POLN: variants seen among roughly 807,000 people sequenced by gnomAD.
The protein encoded by POLN is DNA polymerase N.
A neutral mutation model predicts 113.5 loss-of-function variants in POLN; 108 were observed. The ratio of observed to expected loss-of-function variants is 0.95; its 90% confidence interval spans 0.81 to 1.12. The LOEUF (loss-of-function observed/expected upper bound fraction) is 1.12. Ranked by LOEUF, POLN falls within the 50% of genes most tolerant of loss-of-function variation. The pLI, the probability that POLN is intolerant of heterozygous loss-of-function variation, is 0.00. For missense variants in POLN, 1,097 were observed against 1,077.1 expected (o/e 1.02, Z -0.26); for synonymous variants, 386 against 391.5 (o/e 0.99, Z 0.17).
At chr4:2,112,086 T>C (rs1731208594) in intron 19 of POLN, among the ~76,000 whole-genome samples, 1 of 152,074 alleles carries the variant, frequency 6.6e-6, no homozygotes, top group Non-Finnish European at 1.5e-5. Context: ...ATGCTGCATA[T>C]CTACAACTAT....
At chr4:2,241,452 C>G in intron 2 of POLN, 68 bp downstream of exon 2, 1 of 976,428 alleles carries the variant, frequency 1.0e-6, no homozygotes, top group Non-Finnish European at 1.2e-6. Flanking sequence ...CCTCTCTTCC[C>G]TGCCCTCCGT....
At chr4:2,218,931 G>C (rs760294434) in intron 3 of POLN, among the ~76,000 whole-genome samples, 1 of 152,148 alleles carries the variant, frequency 6.6e-6, no homozygotes, top group African/African-American at 2.4e-5. Flanking sequence ...ACCACCCTGT[G>C]CCCTGAATCC....
intron 24 of POLN, among the ~76,000 whole-genome samples, chr4:2,074,289 C>T (rs35620984): frequency 0.037 from 5,635 of 152,232 alleles, 369 homozygotes; most frequent in African/African-American, 0.13. Context: ...TGACCTGACC[C>T]CCAGCCCTTC....
rs1397904475 is a variant in POLN, at chr4:2,215,185, C to T, written c.134-2059G>A. On this transcript the variant is annotated intron_variant, in intron 3 of 25. Coordinates refer to ENST00000511885, the MANE Select transcript of POLN (RefSeq NM_181808.4). ...TGAGGAATAAATTACATAATATCCA[C>T]ATCATGAAATACATAGCCACTAAAA... is the stretch of plus-strand genomic sequence containing the variant. 2.0e-5 allele frequency among the ~76,000 whole-genome samples: 3 copies of T among 152,090 alleles called. 1 individual carries two copies. Among genetic ancestry groups the T allele is most frequent in the Admixed American group, 2.0e-4 (3 of 15,258 alleles).
At chr4:2,088,065 T>A (rs912487538) in intron 20 of POLN, among the ~76,000 whole-genome samples, 7 of 152,200 alleles carry the variant, frequency 4.6e-5, no homozygotes, top group African/African-American at 1.7e-4. Flanking sequence ...AAATGGTTTT[T>A]AAAAATGTAT....
intron 19 of POLN, among the ~76,000 whole-genome samples, chr4:2,117,470 G>A (rs1411358468): frequency 6.6e-6 from 1 of 152,196 alleles, no homozygotes; most frequent in Non-Finnish European, 1.5e-5. Flanking sequence ...GCAGCAGGCT[G>A]GAAGTCCAGG....
At chr4:2,225,873 T>C (rs1298089318) in intron 3 of POLN, among the ~76,000 whole-genome samples, 1 of 151,730 alleles carries the variant, frequency 6.6e-6, no homozygotes, top group East Asian at 1.9e-4. Context: ...CAGTAGCAAG[T>C]GCCTGTAGTC....
At chr4:2,164,955 TG>T (rs1231062525) in intron 13 of POLN, among the ~76,000 whole-genome samples, 1 of 151,930 alleles carries the variant, frequency 6.6e-6, no homozygotes, top group African/African-American at 2.4e-5. Flanking sequence ...CATTCATTGT[TG>T]AACTCTCATT....
rs146062992 is a variant in POLN, at chr4:2,078,400, G to T, written c.2387+2558C>A. 3.7e-3 allele frequency: 674 copies of T among 181,290 alleles called. 2 individuals carry two copies. The highest frequency in any genetic ancestry group is 5.5e-3 in the Non-Finnish European group (519 of 94,630). The allele number at this position is 181,290 out of a possible 1,614,324, so 11.2% of individuals were successfully genotyped here. On this transcript the variant is annotated intron_variant, in intron 23 of 25. Transcript: ENST00000511885. ...TTCCCTGTCACAGGGACTGTGGGTG[G>T]TGAATGCAGACTGTCCTGTGGCCCC... is the stretch of plus-strand genomic sequence containing the variant.
intron 6 of POLN, among the ~76,000 whole-genome samples, chr4:2,194,384 CTTG>C (rs1733524947): frequency 6.6e-6 from 1 of 152,200 alleles, no homozygotes; most frequent in Admixed American, 6.5e-5. Context: ...TTTGCTTGGA[CTTG>C]TTCCACAGAA....
rs777998038 is a variant in POLN at position 2,198,662 on chromosome 4, C to G, written c.770G>C (p.Gly257Ala). 6.2e-7 allele frequency: 1 copy of G among 1,613,244 alleles called. No homozygotes were observed. The highest frequency in any genetic ancestry group is 8.5e-7 in the Non-Finnish European group (1 of 1,179,704). ...IVVLVKRQAE[G>A]GHGCPDAPAC... ...CGGGGCATCTGGACAGCCATGGCCA[C>G]CCTCTGCTTGGCGTTTTACTAACAC... is the stretch of plus-strand genomic sequence containing the variant. Residue 257 changes from glycine to alanine, a missense_variant, in exon 6 of 26, where the codon GGT (glycine) becomes GCT (alanine). Gly to Ala is a moderately conservative substitution (Grantham distance 60, BLOSUM62 0). Transcript: ENST00000511885.
At chr4:2,099,518 T>C (rs1730874294) in intron 19 of POLN, among the ~76,000 whole-genome samples, 1 of 152,196 alleles carries the variant, frequency 6.6e-6, no homozygotes, top group Non-Finnish European at 1.5e-5. Flanking sequence ...TCCTCAAAAC[T>C]GTCAGGGTCA....
intron 2 of POLN, chr4:2,240,337 G>C (rs1231962712): frequency 6.2e-7 from 1 of 1,602,528 alleles, no homozygotes; most frequent in East Asian, 2.2e-5. Flanking sequence ...TCCTGACTTA[G>C]GTATTTTTCC....
In POLN at chr4:2,213,052, T is replaced by G; in HGVS notation, c.208A>C (p.Lys70Gln). 1 of 1,604,766 alleles carries G rather than the reference T, an allele frequency of 6.2e-7. No homozygotes were observed. Among genetic ancestry groups the G allele is most frequent in the Non-Finnish European group, 8.5e-7 (1 of 1,174,406 alleles). Reference protein sequence around the residue: ...LEDRKTQSPEKKDLKSLRSQT... With the variant: ...LEDRKTQSPEQKDLKSLRSQT... ...TCATATGTGCAATGATTTACCTTTT[T>G]TTCTGGTGATTGAGTCTTCCTGTCT... Residue 70 changes from lysine to glutamine, a missense_variant, in exon 4 of 26, where the codon AAA becomes CAA. Lys to Gln is a moderately conservative substitution (Grantham distance 53). Transcript: ENST00000511885.
chr4:2,103,603 A>G (rs1365447311), intron 19 of POLN, among the ~76,000 whole-genome samples: 1 of 152,226 alleles, frequency 6.6e-6, no homozygotes, highest in Non-Finnish European at 1.5e-5. Flanking sequence ...CAGGAGGCTC[A>G]GCAATCCCCG....
chr4:2,114,255 TA>T (rs1378070666), intron 19 of POLN, among the ~76,000 whole-genome samples: 1 of 151,938 alleles, frequency 6.6e-6, no homozygotes, highest in Non-Finnish European at 1.5e-5. Context: ...CAGAACTATA[TA>T]AAAATATATA....
At chr4:2,131,732 C>T (rs913420749) in intron 16 of POLN, among the ~76,000 whole-genome samples, 19 of 152,200 alleles carry the variant, frequency 1.2e-4, no homozygotes, top group East Asian at 3.8e-4. Context: ...CCTGGCACTT[C>T]GTACCTGCCT....
intron 20 of POLN, chr4:2,089,223 A>T (rs1229678903): frequency 1.3e-6 from 2 of 1,533,426 alleles, no homozygotes; most frequent in Non-Finnish European, 8.8e-7. Flanking sequence ...AGTTGTATAC[A>T]TCAATTGTTT....
intron 19 of POLN, among the ~76,000 whole-genome samples, chr4:2,122,379 G>C (rs1731463716): frequency 6.6e-6 from 1 of 152,180 alleles, no homozygotes; most frequent in Non-Finnish European, 1.5e-5. Context: ...CCTTCTGGGA[G>C]GAGGGACACA....
Sources: gnomAD v4.1 joint callset for allele counts (sites outside exome capture counted in the v4.1 genomes callset) on GRCh38, gnomAD v4.1.1 for gene constraint, MANE v1.5 for transcripts, NCBI Gene and HGNC (gene_info 2026-07-23, HGNC 2026-07-21) for gene names.